LRMDA: variants seen among roughly 807,000 people sequenced by gnomAD.
The protein encoded by LRMDA is leucine-rich melanocyte differentiation-associated protein.
LRMDA carries 18 observed loss-of-function variants against 29.8 expected under a neutral mutation model. The observed-to-expected ratio is 0.60, with a 90% CI of 0.42 to 0.90. LRMDA has a LOEUF of 0.90. Among genes scored for constraint, LRMDA ranks in the 40% least tolerant of loss-of-function variants. The pLI is 0.00. For synonymous variants in LRMDA, 125 were observed against 109.4 expected, an observed-to-expected ratio of 1.14 and a Z score of -0.89; for missense variants, 273 against 273.9, an observed-to-expected ratio of 1.00 and a Z score of 0.02.
chr10:76,078,343 A>G (rs559887370), intron 5 of LRMDA, among the ~76,000 whole-genome samples: 1 of 152,100 alleles, frequency 6.6e-6, no homozygotes, highest in African/African-American at 2.4e-5. Flanking sequence ...TACACAGGTG[A>G]CCTTCAGCTA....
intron 6 of LRMDA, among the ~76,000 whole-genome samples, chr10:76,361,821 C>T (rs964246078): frequency 5.3e-5 from 8 of 152,136 alleles, no homozygotes; most frequent in Admixed American, 5.2e-4. Context: ...ACTGACAGGA[C>T]GTGGCTGAGG....
At chr10:75,568,297 T>C (rs1840398376) in intron 2 of LRMDA, among the ~76,000 whole-genome samples, 1 of 152,216 alleles carries the variant, frequency 6.6e-6, no homozygotes, top group Non-Finnish European at 1.5e-5. Context: ...TGAATGTTGT[T>C]AGTGTAATGT....
chr10:76,231,344 T>C (rs1852055330), intron 5 of LRMDA, among the ~76,000 whole-genome samples: 1 of 152,218 alleles, frequency 6.6e-6, no homozygotes, highest in African/African-American at 2.4e-5. Context: ...GAAAGTCATT[T>C]TATTTCAGGG....
intron 5 of LRMDA, among the ~76,000 whole-genome samples, chr10:76,311,050 C>T (rs138656049): frequency 1.9e-3 from 287 of 151,984 alleles, no homozygotes; most frequent in Admixed American, 3.4e-3. Context: ...ACCCCTGGTA[C>T]CTATGAATAA....
intron 6 of LRMDA, among the ~76,000 whole-genome samples, chr10:76,385,959 A>C (rs1841654523): frequency 6.6e-6 from 1 of 152,204 alleles, no homozygotes; most frequent in Admixed American, 6.5e-5. Context: ...TGTTTCTGGT[A>C]AATTTTACTG....
At chr10:75,847,255 A>G (rs1417498806) in intron 2 of LRMDA, among the ~76,000 whole-genome samples, 1 of 152,218 alleles carries the variant, frequency 6.6e-6, no homozygotes, top group Non-Finnish European at 1.5e-5. Context: ...CACCATGGGT[A>G]AAGGACAGTC....
intron 2 of LRMDA, among the ~76,000 whole-genome samples, chr10:75,732,596 C>T (rs1168335906): frequency 3.3e-5 from 5 of 152,214 alleles, no homozygotes; most frequent in African/African-American, 4.8e-5. Context: ...TCCCCCTTCT[C>T]TGTGCAGCCC....
chr10:76,311,986 C>G (rs1048845322), intron 5 of LRMDA, among the ~76,000 whole-genome samples: 4 of 152,150 alleles, frequency 2.6e-5, no homozygotes, highest in Non-Finnish European at 4.4e-5. Flanking sequence ...CCCTCTCTGA[C>G]CCCTATCCCT....
chr10:76,062,654 C>CTGTG (rs1369528064), intron 5 of LRMDA, among the ~76,000 whole-genome samples: 8,540 of 135,988 alleles, frequency 0.063, 280 homozygotes, highest in African/African-American at 0.07. Context: ...GACTTTATCT[C>CTGTG]TCTGTGTGTG....
intron 2 of LRMDA, among the ~76,000 whole-genome samples, chr10:75,926,870 T>C (rs1466493187): frequency 6.6e-6 from 1 of 152,246 alleles, no homozygotes; most frequent in Non-Finnish European, 1.5e-5. Context: ...TCCTATCTGA[T>C]ACTTAGAAGG....
At chr10:76,484,683 T>C (rs1005069561) in intron 6 of LRMDA, among the ~76,000 whole-genome samples, 2 of 152,000 alleles carry the variant, frequency 1.3e-5, no homozygotes, top group Non-Finnish European at 2.9e-5. Context: ...CTGTAAATTC[T>C]ATTAGGTTAT....
At chr10:75,783,051 A>G (rs769462227) in intron 2 of LRMDA, 2 of 1,613,648 alleles carry the variant, frequency 1.2e-6, no homozygotes, top group Non-Finnish European at 8.5e-7. Flanking sequence ...TTAATCAAAG[A>G]GTCGGTCTTT....
chr10:76,530,540 A>C (rs374271799), intron 6 of LRMDA, among the ~76,000 whole-genome samples: 1 of 152,194 alleles, frequency 6.6e-6, no homozygotes, highest in Non-Finnish European at 1.5e-5. Flanking sequence ...TACTTATCAC[A>C]GTGCCTACAC....
intron 2 of LRMDA, among the ~76,000 whole-genome samples, chr10:75,617,288 CT>C (rs1284665209): frequency 6.6e-6 from 1 of 152,164 alleles, no homozygotes; most frequent in Non-Finnish European, 1.5e-5. Flanking sequence ...ATAGGGACGG[CT>C]GCCAAGGTTT....
chr10:75,484,941 G>A (rs767304509), intron 2 of LRMDA, among the ~76,000 whole-genome samples: 12 of 152,158 alleles, frequency 7.9e-5, no homozygotes, highest in Non-Finnish European at 1.6e-4. Flanking sequence ...CTAATACAAT[G>A]TTATACTTAC....
rs1842896259 is a variant in LRMDA, at chr10:76,499,315, T to A, written c.602-57894T>A. ...CTTTCTCTATATATGTATTTGCGCA[T>A]TCTGGACATTTCACATAAATGCAAT... On this transcript the variant is annotated intron_variant, in intron 6 of 6. Transcript: ENST00000611255. Among the ~76,000 whole-genome samples the A allele has an allele frequency of 2.7e-5, 2 of 74,320 alleles. 1 individual carries two copies. The highest frequency in any genetic ancestry group is 7.2e-4 in the South Asian group (2 of 2,782). 48.8% of individuals were successfully genotyped at this position (74,320 alleles called of 152,430 possible). A position where few individuals can be genotyped will look rare whatever the true frequency, so the allele number is the denominator to read the frequency against.
intron 6 of LRMDA, among the ~76,000 whole-genome samples, chr10:76,544,987 A>G (rs1221819228): frequency 2.0e-5 from 3 of 152,078 alleles, no homozygotes; most frequent in Admixed American, 2.0e-4. Flanking sequence ...GGAATTAGGA[A>G]AGATTATGGT....
At chr10:75,976,159 C>T (rs1002447417) in intron 2 of LRMDA, among the ~76,000 whole-genome samples, 4 of 152,262 alleles carry the variant, frequency 2.6e-5, no homozygotes, top group African/African-American at 9.6e-5. Flanking sequence ...CTATCAACGT[C>T]TCCCACTTCA....
chr10:75,438,573 G>A, intron 2 of LRMDA, 79 bp downstream of exon 2: 1 of 1,114,298 alleles, frequency 9.0e-7, no homozygotes, highest in Non-Finnish European at 1.3e-6. Context: ...GCAGATAAAA[G>A]TCAAATGTTC....
Sources: allele counts gnomAD v4.1 joint callset (sites outside exome capture counted in the v4.1 genomes callset), GRCh38; gene constraint gnomAD v4.1.1; transcripts MANE v1.5; gene names NCBI Gene and HGNC (gene_info 2026-07-23, HGNC 2026-07-21).